GINS3: variants seen among roughly 807,000 people sequenced by gnomAD.
The protein encoded by GINS3 is DNA replication complex GINS protein PSF3.
GINS3 carries 18 observed loss-of-function variants against 20.0 expected under a neutral mutation model. That is an observed-to-expected ratio of 0.90 (90% CI 0.62 to 1.33). The LOEUF is 1.33. Among genes scored for constraint, GINS3 ranks in the 40% most tolerant of loss-of-function variants. The pLI is 0.00. For missense variants in GINS3, 254 were observed against 273.6 expected, an observed-to-expected ratio of 0.93 and a Z score of 0.51; for synonymous variants, 109 against 107.0, an observed-to-expected ratio of 1.02 and a Z score of -0.12.
chr16:58,394,632 C>A (rs1356556302), intron 1 of GINS3, among the ~76,000 whole-genome samples: 2 of 152,352 alleles, frequency 1.3e-5, no homozygotes, highest in East Asian at 3.9e-4. Context: ...CAGGCGTAAG[C>A]CACCTCGCCC....
In GINS3 at chr16:58,392,716, G is replaced by T. The variant is rs773423789; in HGVS notation, c.115G>T (p.Ala39Ser). 4 of 1,614,158 alleles carry T rather than the reference G, an allele frequency of 2.5e-6. No homozygotes were observed. The highest frequency in any genetic ancestry group is 3.4e-6 in the Non-Finnish European group (4 of 1,180,046). Residue 39 changes from alanine (A) to serine (S), a missense_variant, in exon 1 of 3, where the codon GCC becomes TCC. Physicochemically the swap from Ala to Ser is moderately conservative, Grantham distance 99. Coordinates refer to ENST00000318129, the MANE Select transcript of GINS3 (RefSeq NM_022770.4). ...GAAGCTGCCGGTGCGCACGGAGACCGCCATGCCTCGCCTTGGCGCTTTCTT... is the reference window on the plus strand; with the variant it reads ...GAAGCTGCCGGTGCGCACGGAGACCTCCATGCCTCGCCTTGGCGCTTTCTT... ...HEKLPVRTET[A>S]MPRLGAFFLE...
intron 1 of GINS3, among the ~76,000 whole-genome samples, chr16:58,394,352 T>G (rs1384280782): frequency 6.6e-6 from 1 of 152,120 alleles, no homozygotes; most frequent in Non-Finnish European, 1.5e-5. Flanking sequence ...GTTTTGTTTT[T>G]TTGTTTGTTT....
Position 58,403,637 on chromosome 16 carries a change from C to G in GINS3, c.420+306C>G. ...GATGGCCAGGCATGGTGGCTCACAC[C>G]TGTAATCCCAGCACTTTGGGAGGCC... On this transcript the variant is annotated intron_variant, in intron 2 of 2. Coordinates refer to ENST00000318129, the MANE Select transcript of GINS3 (RefSeq NM_022770.4). 8.8e-6 allele frequency: 3 copies of G among 342,424 alleles called. No individual in the cohort carries two copies. In the South Asian group the frequency reaches 9.6e-5, roughly 11 times the overall value. The allele number at this position is 342,424 out of a possible 1,614,324, so 21.2% of individuals were successfully genotyped here.
chr16:58,398,419 G>A (rs570807805), intron 1 of GINS3, among the ~76,000 whole-genome samples: 144 of 152,092 alleles, frequency 9.5e-4, no homozygotes, highest in African/African-American at 3.4e-3. Context: ...ACCAGCCTAG[G>A]CAACATAGTG....
At position 58,405,018 on chromosome 16, in the gene GINS3, A is replaced by G. The variant is rs1420399871; in HGVS notation, c.*289A>G. On this transcript the variant is annotated 3_prime_UTR_variant, in exon 3 of 3. Coordinates refer to ENST00000318129, the MANE Select transcript of GINS3 (RefSeq NM_022770.4). ...CTTCCTAAATAAGAATCACTGCCAT[A>G]TAATATATCACAGTAGAGTTGCAAC... The G allele has an allele frequency of 5.4e-6, 2 of 373,780 alleles. No homozygotes were observed. Among genetic ancestry groups the G allele is most frequent in the East Asian group, 5.3e-5 (1 of 18,942 alleles). 23.2% of individuals were successfully genotyped at this position (373,780 alleles called of 1,614,324 possible). A position where few individuals can be genotyped will look rare whatever the true frequency, so the allele number is the denominator to read the frequency against.
Position 58,405,051 on chromosome 16 carries a change from C to A in GINS3, c.*322C>A. The A allele has an allele frequency of 3.7e-6, 1 of 270,396 alleles. No individual in the cohort carries two copies. Among genetic ancestry groups the A allele is most frequent in the East Asian group, 8.2e-5 (1 of 12,142 alleles). The allele number at this position is 270,396 out of a possible 1,614,324, so 16.7% of individuals were successfully genotyped here. A position where few individuals can be genotyped will look rare whatever the true frequency, so the allele number is the denominator to read the frequency against. On this transcript the variant is annotated 3_prime_UTR_variant, in exon 3 of 3. Coordinates refer to ENST00000318129, the MANE Select transcript of GINS3 (RefSeq NM_022770.4). ...TCACAGTAGAGTTGCAACTGAGATTCCTTGTGTCTGGGAGTTTGGACAGCT... is the reference window on the plus strand; with the variant it reads ...TCACAGTAGAGTTGCAACTGAGATTACTTGTGTCTGGGAGTTTGGACAGCT...
At chr16:58,399,811 A>G (rs1293310409) in intron 1 of GINS3, among the ~76,000 whole-genome samples, 8 of 152,276 alleles carry the variant, frequency 5.3e-5, no homozygotes, top group Admixed American at 5.2e-4. Context: ...ATATTACACA[A>G]TCATTTCTGA....
intron 1 of GINS3, among the ~76,000 whole-genome samples, chr16:58,399,364 C>T (rs1263248826): frequency 4.6e-5 from 7 of 151,386 alleles, no homozygotes; most frequent in Admixed American, 2.6e-4. Flanking sequence ...CCTTTTACTT[C>T]TGTTAATTTA....
rs1043265845 is a variant in GINS3 at position 58,405,730 on chromosome 16, A to G, written c.*1001A>G. 2 of 152,244 alleles carry G rather than the reference A, an allele frequency of 1.3e-5. No homozygotes were observed. Among genetic ancestry groups the G allele is most frequent in the Non-Finnish European group, 2.9e-5 (2 of 68,044 alleles). The allele number at this position is 152,244 out of a possible 1,614,324, so 9.4% of individuals were successfully genotyped here. On this transcript the variant is annotated 3_prime_UTR_variant, in exon 3 of 3. Coordinates refer to ENST00000318129, the MANE Select transcript of GINS3 (RefSeq NM_022770.4). ...TTACTAGGAACCTGGTTAAGCAAGC[A>G]CTAATCTCTTTTCCTGGAGATCAAG...
At chr16:58,403,055 GTTAC>G (rs1965978359) in intron 1 of GINS3, 39 bp from the exon 2 acceptor site, 2 of 1,498,204 alleles carry the variant, frequency 1.3e-6, no homozygotes, top group African/African-American at 2.7e-5. Flanking sequence ...CATTTGCTGT[GTTAC>G]TTGTCTGTTT....
intron 1 of GINS3, among the ~76,000 whole-genome samples, chr16:58,396,686 C>T (rs1280923658): frequency 2.5e-5 from 3 of 118,658 alleles, no homozygotes; most frequent in African/African-American, 3.5e-5. Context: ...ACCTCCCTCC[C>T]GGACGGGGCG....
rs143516388 is a variant in GINS3 at position 58,402,990 on chromosome 16, C to G, written c.187-108C>G. Reference sequence around the variant, plus strand: ...TCTTCTGTGCTTGACAGCCACTCCCCCAAAGAGAAAAGGCAGTATTGCGCA... The same window carrying G: ...TCTTCTGTGCTTGACAGCCACTCCCGCAAAGAGAAAAGGCAGTATTGCGCA... On this transcript the variant is annotated intron_variant, in intron 1 of 2. Transcript: ENST00000318129. 29 of 853,686 alleles carry G rather than the reference C, an allele frequency of 3.4e-5. No individual in the cohort carries two copies. The African/African-American group carries it at 3.7e-4, about 11-fold the overall frequency. The allele number at this position is 853,686 out of a possible 1,614,324, so 52.9% of individuals were successfully genotyped here.
Position 58,404,578 on chromosome 16 carries a change from G to A in GINS3, c.500G>A (p.Arg167Lys). ...YNEDTSALVA[R>K]LDEMERGLFQ... is the part of the protein sequence containing the mutation. Reference sequence around the variant, plus strand: ...GAAGACACTTCAGCCCTGGTAGCCAGGCTAGACGAGATGGAGAGGGGCTTA... The same window carrying A: ...GAAGACACTTCAGCCCTGGTAGCCAAGCTAGACGAGATGGAGAGGGGCTTA... Residue 167 changes from arginine (R) to lysine (K), a missense_variant, in exon 3 of 3, where the codon AGG becomes AAG. Coordinates refer to ENST00000318129, the MANE Select transcript of GINS3 (RefSeq NM_022770.4). 1 of 1,614,210 alleles carries A rather than the reference G, an allele frequency of 6.2e-7. No homozygotes were observed. Among genetic ancestry groups the A allele is most frequent in the Non-Finnish European group, 8.5e-7 (1 of 1,180,032 alleles).
intron 1 of GINS3, among the ~76,000 whole-genome samples, chr16:58,401,707 A>C (rs1229361697): frequency 6.6e-6 from 1 of 152,190 alleles, no homozygotes; most frequent in Non-Finnish European, 1.5e-5. Flanking sequence ...TTTTATTGGG[A>C]TTACAGGCGT....
rs753881782 is a variant in GINS3 at position 58,392,747 on chromosome 16, A to G, written c.146A>G (p.Glu49Gly). The change falls in exon 1 of 3, where the codon GAG (glutamate) becomes GGG (glycine). Residue 49 changes from glutamate to glycine, a missense_variant. By Grantham distance (98) the Glu-to-Gly change is moderately conservative. Transcript: ENST00000318129. ...CCTCGCCTTGGCGCTTTCTTCCTGGAGCGGAGCGCAGGCGCCGAGACTGAC... is the reference window on the plus strand; with the variant it reads ...CCTCGCCTTGGCGCTTTCTTCCTGGGGCGGAGCGCAGGCGCCGAGACTGAC... ...AMPRLGAFFLERSAGAETDNA... is the reference protein window; with the variant it reads ...AMPRLGAFFLGRSAGAETDNA... 1.9e-6 allele frequency: 3 copies of G among 1,613,306 alleles called. No individual in the cohort carries two copies. Among genetic ancestry groups the G allele is most frequent in the Non-Finnish European group, 2.5e-6 (3 of 1,179,912 alleles).
intron 1 of GINS3, 37 bp downstream of exon 1, chr16:58,392,824 T>G: frequency 6.5e-7 from 1 of 1,540,064 alleles, no homozygotes; most frequent in South Asian, 1.2e-5. Context: ...CCGGAAAGAC[T>G]GCAGCTCCCG....
chr16:58,403,299 G>T lies in GINS3; in HGVS notation c.388G>T (p.Glu130Ter). ...GSQLLHFDSPENADISQSLLQ... is the reference protein window; with the variant it reads ...GSQLLHFDSP ...CCAGCTCCTGCATTTTGACAGTCCCGAGAATGCAGACATTTCCCAGTCTCT... is the reference window on the plus strand; with the variant it reads ...CCAGCTCCTGCATTTTGACAGTCCCTAGAATGCAGACATTTCCCAGTCTCT... The change falls in exon 2 of 3, where the codon GAG becomes TAG. Residue 130 changes from glutamate (E) to a stop codon, truncating the protein, a stop_gained. Coordinates refer to ENST00000318129, the MANE Select transcript of GINS3 (RefSeq NM_022770.4). LOFTEE classifies it high-confidence loss of function. The T allele has an allele frequency of 1.2e-6, 2 of 1,614,028 alleles. No individual in the cohort carries two copies. The highest frequency in any genetic ancestry group is 1.7e-6 in the Non-Finnish European group (2 of 1,180,016).
Position 58,396,871 on chromosome 16 carries a change from C to T in GINS3, c.186+4084C>T, listed in dbSNP as rs868146598. Reference sequence around the variant, plus strand: ...GGCGCCCCTCACCTCCCGGACGGGGCGGCTGGCCGGGCGGGGGGCTGACCC... The same window carrying T: ...GGCGCCCCTCACCTCCCGGACGGGGTGGCTGGCCGGGCGGGGGGCTGACCC... On this transcript the variant is annotated intron_variant, in intron 1 of 2. Transcript: ENST00000318129. Among the ~76,000 whole-genome samples, 154 of 138,816 alleles carry T rather than the reference C, an allele frequency of 1.1e-3. 1 individual carries two copies. Among genetic ancestry groups the T allele is most frequent in the African/African-American group, 4.0e-3 (147 of 36,692 alleles). The allele number at this position is 138,816 out of a possible 152,430, so 91.1% of individuals were successfully genotyped here.
intron 1 of GINS3, among the ~76,000 whole-genome samples, chr16:58,400,692 A>G (rs1185331655): frequency 6.6e-6 from 1 of 152,098 alleles, no homozygotes; most frequent in Non-Finnish European, 1.5e-5. Context: ...TTTACTTTTA[A>G]AGGATATTTT....
Sources: gnomAD v4.1 joint callset for allele counts (sites outside exome capture counted in the v4.1 genomes callset) on GRCh38, gnomAD v4.1.1 for gene constraint, MANE v1.5 for transcripts, NCBI Gene and HGNC (gene_info 2026-07-23, HGNC 2026-07-21) for gene names.